The following SCN10A variants were observed in gnomAD, a reference collection of about 807,000 sequenced individuals.
SCN10A encodes sodium voltage-gated channel alpha subunit 10.
In SCN10A, 162 loss-of-function variants were observed where a neutral mutation model predicts 170.7. The ratio of observed to expected loss-of-function variants is 0.95; its 90% CI spans 0.84 to 1.08. The LOEUF (loss-of-function observed/expected upper bound fraction) is 1.08. Among genes scored for constraint, SCN10A ranks in the 50% least tolerant of loss-of-function variants. SCN10A has a pLI of 0.00. For synonymous variants in SCN10A, 985 were observed against 904.6 expected (o/e 1.09, Z -1.59); for missense variants, 2,527 against 2,436.9 (o/e 1.04, Z -0.78).
intron 27 of SCN10A, among the ~76,000 whole-genome samples, chr3:38,700,569 A>G (rs2063145667): frequency 6.6e-6 from 1 of 152,234 alleles, no homozygotes; most frequent in Non-Finnish European, 1.5e-5. Context: ...AGTTGTGTAC[A>G]TTAAACATGT....
At chr3:38,701,726 A>T in intron 27 of SCN10A, 113 bp downstream of exon 27, 1 of 1,014,804 alleles carries the variant, frequency 9.9e-7, no homozygotes, top group Non-Finnish European at 1.4e-6. Context: ...GGGTTCTTCT[A>T]ACATAAACAC....
chr3:38,811,116 C>T (rs1409473448), intron 1 of SCN10A, among the ~76,000 whole-genome samples: 1 of 152,186 alleles, frequency 6.6e-6, no homozygotes, highest in African/African-American at 2.4e-5. Flanking sequence ...GATTACTTAA[C>T]TCCTGTGTGC....
chr3:38,722,795 TGGG>T (rs2063408390), intron 19 of SCN10A, among the ~76,000 whole-genome samples: 1 of 152,172 alleles, frequency 6.6e-6, no homozygotes, highest in East Asian at 1.9e-4. Context: ...GTGGCTGGGA[TGGG>T]GATTGGGTCC....
chr3:38,804,550 T>C (rs1199673244), intron 1 of SCN10A, among the ~76,000 whole-genome samples: 1 of 152,166 alleles, frequency 6.6e-6, no homozygotes, highest in Admixed American at 6.6e-5. Context: ...CAGTTATTTG[T>C]TGAATAAATA....
chr3:38,714,611 C>A (rs1030433587), intron 21 of SCN10A, among the ~76,000 whole-genome samples: 18 of 152,196 alleles, frequency 1.2e-4, no homozygotes, highest in Non-Finnish European at 1.8e-4. Flanking sequence ...CCTGGCTAGT[C>A]CAGGGTACTT....
At chr3:38,800,697 C>A (rs1348514763) in intron 1 of SCN10A, among the ~76,000 whole-genome samples, 3 of 152,084 alleles carry the variant, frequency 2.0e-5, no homozygotes, top group Non-Finnish European at 4.4e-5. Context: ...TTGTCAGAAT[C>A]AGGGCAACTC....
Position 38,763,536 on chromosome 3 carries a change from A to G in SCN10A, c.660T>C (p.Leu220=). ...GISGLRTFRV[L]RALKTVSVIP... The stretch of plus-strand genomic sequence containing the variant: ...TCACAGAAACTGTTTTTAATGCTCT[A>G]AGAACTCTGAATGTCCGCAGGCCTG... Residue 220 remains leucine, a synonymous_variant, in exon 6 of 28, where the codon CTT becomes CTC. Transcript: ENST00000449082. The G allele has an allele frequency of 1.2e-6, 2 of 1,614,080 alleles. No homozygotes were observed. Among genetic ancestry groups the G allele is most frequent in the Non-Finnish European group, 1.7e-6 (2 of 1,179,934 alleles).
At chr3:38,768,571 A>C (rs1048594041) in intron 5 of SCN10A, among the ~76,000 whole-genome samples, 1 of 152,106 alleles carries the variant, frequency 6.6e-6, no homozygotes, top group Non-Finnish European at 1.5e-5. Flanking sequence ...TGGGACCCTA[A>C]TCCCTTCTGG....
chr3:38,742,195 T>C (rs1370665976), intron 14 of SCN10A, 96 bp downstream of exon 14: 1 of 819,626 alleles, frequency 1.2e-6, no homozygotes, highest in Non-Finnish European at 2.0e-6. Flanking sequence ...CACTAACCAA[T>C]AAGGGCATGC....
intron 4 of SCN10A, among the ~76,000 whole-genome samples, chr3:38,772,530 A>C (rs1050500265): frequency 1.3e-5 from 2 of 152,042 alleles, no homozygotes; most frequent in African/African-American, 4.8e-5. Flanking sequence ...TCTACTAAAA[A>C]TACAAAAAAT....
chr3:38,770,969 T>A (rs184550594), intron 5 of SCN10A, among the ~76,000 whole-genome samples: 35 of 152,314 alleles, frequency 2.3e-4, no homozygotes, highest in African/African-American at 8.2e-4. Context: ...ATTCTTCTCC[T>A]GTGATCTGGA....
At chr3:38,753,391 A>T (rs2063770056) in intron 11 of SCN10A, among the ~76,000 whole-genome samples, 1 of 152,286 alleles carries the variant, frequency 6.6e-6, no homozygotes, top group South Asian at 2.1e-4. Context: ...CCAAACTCTG[A>T]TCATACCGAT....
At chr3:38,703,846 A>T (rs1296087080) in intron 26 of SCN10A, among the ~76,000 whole-genome samples, 1 of 152,170 alleles carries the variant, frequency 6.6e-6, no homozygotes, top group Non-Finnish European at 1.5e-5. Context: ...CTGGACTGTA[A>T]ACTGTAAGAG....
At chr3:38,746,051 G>A (rs57905522) in intron 13 of SCN10A, among the ~76,000 whole-genome samples, 21 of 71,164 alleles carry the variant, frequency 3.0e-4, no homozygotes, top group African/African-American at 9.6e-4. Flanking sequence ...ATATATATAT[G>A]TGTGTGTATG....
chr3:38,779,407 T>A (rs1249313357), intron 4 of SCN10A, among the ~76,000 whole-genome samples: 1 of 152,048 alleles, frequency 6.6e-6, no homozygotes, highest in Non-Finnish European at 1.5e-5. Context: ...CTTTAATTCA[T>A]TTAGGTACTT....
At chr3:38,759,761 A>T (rs968967998) in intron 8 of SCN10A, among the ~76,000 whole-genome samples, 5 of 152,184 alleles carry the variant, frequency 3.3e-5, no homozygotes, top group African/African-American at 1.2e-4. Context: ...CAGTGAACCC[A>T]CATTTCCACA....
At chr3:38,708,457 C>T (rs1575932439) in intron 25 of SCN10A, among the ~76,000 whole-genome samples, 1 of 152,192 alleles carries the variant, frequency 6.6e-6, no homozygotes, top group Admixed American at 6.5e-5. Flanking sequence ...ATAGCACTGT[C>T]TTGTCCCAGA....
At chr3:38,782,107 G>A (rs183831195) in intron 4 of SCN10A, among the ~76,000 whole-genome samples, 91 of 151,744 alleles carry the variant, frequency 6.0e-4, no homozygotes, top group South Asian at 2.1e-4. Context: ...ATCTTTTTGT[G>A]CTTACCTTTG....
chr3:38,754,157 T>A (rs905127573), intron 11 of SCN10A, among the ~76,000 whole-genome samples: 5 of 152,182 alleles, frequency 3.3e-5, no homozygotes, highest in African/African-American at 1.2e-4. Flanking sequence ...CCAAACTCTC[T>A]CAAGTCTTCA....
Sources: allele counts gnomAD v4.1 joint callset (sites outside exome capture counted in the v4.1 genomes callset), GRCh38; gene constraint gnomAD v4.1.1; transcripts MANE v1.5; gene names NCBI Gene and HGNC (gene_info 2026-07-23, HGNC 2026-07-21).